BUB1B: variants seen among roughly 807,000 people sequenced by gnomAD.
The protein encoded by BUB1B is mitotic checkpoint serine/threonine-protein kinase BUB1 beta.
Under a neutral mutation model 137.7 loss-of-function variants are expected in BUB1B, and 86 were observed. The ratio of observed to expected loss-of-function variants is 0.62; its 90% confidence interval spans 0.52 to 0.75. The LOEUF (loss-of-function observed/expected upper bound fraction) is 0.75, where lower values mean the gene tolerates loss of function less well. Among genes scored for constraint, BUB1B ranks in the 30% least tolerant of loss-of-function variants. The probability of loss-of-function intolerance (pLI) is 0.00; values close to 1 mark genes in which losing one functional copy is unlikely to be tolerated. For synonymous variants in BUB1B, 420 were observed against 417.9 expected, an observed-to-expected ratio of 1.00 and a Z score of -0.06; for missense variants, 1,130 against 1,236.9, an observed-to-expected ratio of 0.91 and a Z score of 1.30.
Position 40,217,507 on chromosome 15 carries a change from C to G in BUB1B, c.2690C>G (p.Pro897Arg). Residue 897 changes from proline to arginine, a missense_variant, in exon 21 of 23, where the codon CCC becomes CGC. Pro to Arg is a moderately radical substitution (Grantham distance 103). Coordinates refer to ENST00000287598, the MANE Select transcript of BUB1B (RefSeq NM_001211.6). ...AAATCTGGGCTCAGAATCCACGATC[C>G]CTATGATTGTAACAAGAACAATCAA... is the stretch of plus-strand genomic sequence containing the variant. ...CLILRNRIHD[P>R]YDCNKNNQAL... 6.2e-7 allele frequency: 1 copy of G among 1,613,906 alleles called. No individual in the cohort carries two copies. The highest frequency in any genetic ancestry group is 8.5e-7 in the Non-Finnish European group (1 of 1,179,962).
chr15:40,217,169 A>G (rs1260221424), intron 20 of BUB1B, among the ~76,000 whole-genome samples: 1 of 152,200 alleles, frequency 6.6e-6, no homozygotes, highest in African/African-American at 2.4e-5. Flanking sequence ...TTGCAATTGT[A>G]TGTGTTAATG....
Position 40,212,456 on chromosome 15 carries a change from A to G in BUB1B, c.2386-43A>G, listed in dbSNP as rs761320296. ...GTGTTTCAACCTGCCAGCCATAACC[A>G]TAGACTTAACTGAACTTATTTTTAA... On this transcript the variant is annotated intron_variant, in intron 18 of 22. Coordinates refer to ENST00000287598, the MANE Select transcript of BUB1B (RefSeq NM_001211.6). 7.8e-6 allele frequency: 12 copies of G among 1,540,262 alleles called. No homozygotes were observed. In the African/African-American group the frequency reaches 1.5e-4, roughly 19 times the overall value.
intron 1 of BUB1B, among the ~76,000 whole-genome samples, chr15:40,163,488 A>G (rs1353798598): frequency 6.6e-6 from 1 of 152,242 alleles, no homozygotes; most frequent in Non-Finnish European, 1.5e-5. Context: ...AGTGCCCAGC[A>G]TGCCCACTAT....
chr15:40,208,853 G>C, intron 16 of BUB1B, 83 bp downstream of exon 16: 1 of 1,416,690 alleles, frequency 7.1e-7, no homozygotes, highest in South Asian at 1.2e-5. Context: ...TTCTTTTTTT[G>C]AGACAGGGTC....
rs563969516 is a variant in BUB1B, at chr15:40,180,710, C to T, written c.582-3004C>T. ...TGTCGTCCGGGCTACAGTGCAGTGG[C>T]GCAATCTCGGCTCACTGCAAGCTCC... is the stretch of plus-strand genomic sequence containing the variant. On this transcript the variant is annotated intron_variant, in intron 5 of 22. Transcript: ENST00000287598. 1.2e-4 allele frequency among the ~76,000 whole-genome samples: 17 copies of T among 136,474 alleles called. No homozygotes were observed. The Admixed American group carries it at 1.2e-3, about 10-fold the overall frequency. The allele number at this position is 136,474 out of a possible 152,430, so 89.5% of individuals were successfully genotyped here. A position where few individuals can be genotyped will look rare whatever the true frequency, so the allele number is the denominator to read the frequency against.
intron 5 of BUB1B, among the ~76,000 whole-genome samples, chr15:40,182,272 T>C (rs1398792255): frequency 3.9e-5 from 6 of 152,220 alleles, no homozygotes; most frequent in Non-Finnish European, 8.8e-5. Context: ...CATTTGCTTA[T>C]TGTTTTTTCC....
intron 5 of BUB1B, among the ~76,000 whole-genome samples, chr15:40,181,539 G>C (rs58722021): frequency 2.2e-3 from 336 of 152,160 alleles, no homozygotes; most frequent in African/African-American, 7.8e-3. Flanking sequence ...TTCTCTCTCT[G>C]AGACTTCAGT....
At position 40,176,600 on chromosome 15, in the gene BUB1B, A is replaced by G. The variant is rs532319590; in HGVS notation, c.508A>G (p.Lys170Glu). 81 of 1,614,146 alleles carry G rather than the reference A, an allele frequency of 5.0e-5. No individual in the cohort carries two copies. In the South Asian group the frequency reaches 8.5e-4, roughly 17 times the overall value. Residue 170 changes from lysine to glutamate, a missense_variant, in exon 5 of 23, where the codon AAA becomes GAA. Coordinates refer to ENST00000287598, the MANE Select transcript of BUB1B (RefSeq NM_001211.6). The stretch of plus-strand genomic sequence containing the variant: ...ATATGAAGCTAGAGAAAACTTTAGG[A>G]AAGCAGATGCGATATTTCAGGAAGG... ...EEYEARENFR[K>E]ADAIFQEGIQ...
rs923938052 is a variant in BUB1B, at chr15:40,165,287, A to G, written c.179+91A>G. 1.2e-5 allele frequency: 19 copies of G among 1,561,678 alleles called. No homozygotes were observed. The African/African-American group carries it at 2.3e-4, about 19-fold the overall frequency. ...TGGATCCATGAGAGATGGCATAATG[A>G]GTACTTTTCAAAAATTGGTAGTATG... On this transcript the variant is annotated intron_variant, in intron 2 of 22. Transcript: ENST00000287598.
chr15:40,185,850 GA>G (rs1370636427), intron 8 of BUB1B, among the ~76,000 whole-genome samples: 1 of 151,864 alleles, frequency 6.6e-6, no homozygotes, highest in Non-Finnish European at 1.5e-5. Flanking sequence ...AGCCTAGTGA[GA>G]CCCTGTCTCT....
At position 40,200,258 on chromosome 15, in the gene BUB1B, G is replaced by A. The variant is rs2037548812; in HGVS notation, c.1416G>A (p.Met472Ile). ...AATGCAAACAGCAAGAAGAGACGAT[G>A]CCTACAAAGGAGACAACTAAACTGC... ...ERTGDQQEET[M>I]PTKETTKLQI... Residue 472 changes from methionine (M) to isoleucine (I), a missense_variant, in exon 11 of 23, where the codon ATG becomes ATA. By Grantham distance (10) the Met-to-Ile change is conservative. Coordinates refer to ENST00000287598, the MANE Select transcript of BUB1B (RefSeq NM_001211.6). 6.2e-7 allele frequency: 1 copy of A among 1,613,008 alleles called. No individual in the cohort carries two copies. The highest frequency in any genetic ancestry group is 8.5e-7 in the Non-Finnish European group (1 of 1,179,156).
intron 8 of BUB1B, among the ~76,000 whole-genome samples, chr15:40,188,599 T>TC (rs1400825816): frequency 8.6e-5 from 13 of 150,642 alleles, no homozygotes; most frequent in Admixed American, 5.3e-4. Flanking sequence ...TTTTTTTTTT[T>TC]CGAGACAGAG....
rs529720660 is a variant in BUB1B, at chr15:40,161,095, G to C, written c.-126G>C. 2 of 1,293,894 alleles carry C rather than the reference G, an allele frequency of 1.5e-6. No homozygotes were observed. The highest frequency in any genetic ancestry group is 3.0e-5 in the African/African-American group (2 of 67,006). The allele number at this position is 1,293,894 out of a possible 1,614,324, so 80.2% of individuals were successfully genotyped here. A position where few individuals can be genotyped will look rare whatever the true frequency, so the allele number is the denominator to read the frequency against. ...TGGGCTTGAGGTGGCCGGTTTGTTA[G>C]GGAGTCGTGTACGTGCCTTGGTCGC... On this transcript the variant is annotated 5_prime_UTR_variant, in exon 1 of 23. Transcript: ENST00000287598.
intron 20 of BUB1B, among the ~76,000 whole-genome samples, chr15:40,215,427 G>C (rs575743194): frequency 6.6e-6 from 1 of 151,592 alleles, no homozygotes; most frequent in Non-Finnish European, 1.5e-5. Flanking sequence ...AACTGAGATC[G>C]CACCATTGTA....
intron 13 of BUB1B, 53 bp downstream of exon 13, chr15:40,202,518 A>G (rs1014353145): frequency 8.8e-6 from 14 of 1,594,278 alleles, no homozygotes; most frequent in African/African-American, 4.0e-5. Flanking sequence ...ATTTTCTGTT[A>G]TTATAAGTGA....
At chr15:40,188,351 T>G (rs2037394468) in intron 8 of BUB1B, among the ~76,000 whole-genome samples, 1 of 151,780 alleles carries the variant, frequency 6.6e-6, no homozygotes, top group African/African-American at 2.4e-5. Context: ...CCTAAACTTA[T>G]TTTTATTTTA....
In BUB1B at chr15:40,185,304, AC is replaced by A. The variant is rs747327884; in HGVS notation, c.897del (p.Met300CysfsTer31). 3 of 1,613,968 alleles carry A rather than the reference AC, an allele frequency of 1.9e-6. No homozygotes were observed. Among genetic ancestry groups the A allele is most frequent in the African/African-American group, 2.7e-5 (2 of 74,894 alleles). ...SKPTVQPWIA[P>X]PMPRAKENEL... ...AGCCTACAGTCCAGCCATGGATAGC[AC>A]CCCCCATGCCCAGGGCCAAAGAGAA... On this transcript the variant is annotated frameshift_variant, in exon 7 of 23. Coordinates refer to ENST00000287598, the MANE Select transcript of BUB1B (RefSeq NM_001211.6). LOFTEE classifies it high-confidence loss of function.
intron 2 of BUB1B, among the ~76,000 whole-genome samples, chr15:40,167,953 G>T (rs1267538029): frequency 2.0e-5 from 3 of 152,028 alleles, no homozygotes; most frequent in African/African-American, 2.4e-5. Flanking sequence ...GTCCAGCAGA[G>T]TGAGTTCTAC....
chr15:40,219,132 G>A (rs548628197), intron 22 of BUB1B, among the ~76,000 whole-genome samples: 23 of 151,938 alleles, frequency 1.5e-4, no homozygotes, highest in Non-Finnish European at 2.9e-4. Flanking sequence ...GGCTGATCTC[G>A]AACTCCTGAC....
Sources: gnomAD v4.1 joint callset for allele counts (sites outside exome capture counted in the v4.1 genomes callset) on GRCh38, gnomAD v4.1.1 for gene constraint, MANE v1.5 for transcripts, NCBI Gene and HGNC (gene_info 2026-07-23, HGNC 2026-07-21) for gene names.